The following KANSL1L variants were observed in gnomAD, a reference collection of about 807,000 sequenced individuals.
KANSL1L encodes the protein KAT8 regulatory NSL complex subunit 1-like protein.
Under a neutral mutation model 108.6 loss-of-function variants are expected in KANSL1L, and 25 were observed. That is an observed-to-expected ratio of 0.23 (90% CI 0.17 to 0.32). KANSL1L has a LOEUF of 0.32. KANSL1L is among the 10% of genes least tolerant of loss of function. The probability of loss-of-function intolerance (pLI) is 1.00; values close to 1 mark genes in which losing one functional copy is unlikely to be tolerated. For synonymous variants in KANSL1L, 405 were observed against 395.1 expected (o/e 1.03, Z -0.30); for missense variants, 1,137 against 1,125.7 (o/e 1.01, Z -0.14).
At chr2:210,027,731 G>T (rs1170921018) in intron 11 of KANSL1L, among the ~76,000 whole-genome samples, 1 of 152,120 alleles carries the variant, frequency 6.6e-6, no homozygotes, top group Non-Finnish European at 1.5e-5. Flanking sequence ...AGCCCCTTTT[G>T]AGCCATCAGT....
At chr2:210,171,798 G>A (rs1402336879), upstream of KANSL1L, 1 of 152,018 alleles carries the variant, frequency 6.6e-6, no homozygotes, top group Non-Finnish European at 1.5e-5. Context: ...GACTACTGCT[G>A]GCGTCCGCGG....
At chr2:210,094,678 TA>T (rs1184879823) in intron 5 of KANSL1L, among the ~76,000 whole-genome samples, 1 of 152,052 alleles carries the variant, frequency 6.6e-6, no homozygotes, top group Non-Finnish European at 1.5e-5. Context: ...TGAGTAACAT[TA>T]AAAAACTAAA....
intron 1 of KANSL1L, among the ~76,000 whole-genome samples, chr2:210,157,105 T>C (rs1045797544): frequency 2.0e-5 from 3 of 152,210 alleles, no homozygotes; most frequent in Non-Finnish European, 2.9e-5. Flanking sequence ...AAGTTGTTAC[T>C]TGACCAACTC....
Position 210,166,948 on chromosome 2 carries a change from A to T in KANSL1L, c.-30+4201T>A, listed in dbSNP as rs547880575. ...AGAAGTTTTTAAACATTATCTCTAG[A>T]CTATAAGGAGACTAGAGGAGTACAG... On this transcript the variant is annotated intron_variant, in intron 1 of 14. Transcript: ENST00000281772. Among the ~76,000 whole-genome samples, 196 of 152,150 alleles carry T rather than the reference A, an allele frequency of 1.3e-3. 1 individual carries two copies. Among genetic ancestry groups the T allele is most frequent in the Non-Finnish European group, 2.4e-3 (162 of 67,872 alleles).
chr2:210,171,877 T>C (rs1227893008), upstream of KANSL1L: 1 of 152,128 alleles, frequency 6.6e-6, no homozygotes, highest in Non-Finnish European at 1.5e-5. Context: ...CAAGTCTCCG[T>C]GCGTTTGCTT....
At chr2:210,125,140 G>C (rs999903116) in intron 3 of KANSL1L, among the ~76,000 whole-genome samples, 1 of 152,140 alleles carries the variant, frequency 6.6e-6, no homozygotes, top group African/African-American at 2.4e-5. Flanking sequence ...TGTAATCCCA[G>C]CTACTCAGGG....
At chr2:210,107,853 C>G (rs1459276215) in intron 3 of KANSL1L, among the ~76,000 whole-genome samples, 1 of 151,956 alleles carries the variant, frequency 6.6e-6, no homozygotes, top group Admixed American at 6.6e-5. Flanking sequence ...AAAATTTAAG[C>G]AAAGTTTAGA....
At chr2:210,168,612 T>C (rs1283046653) in intron 1 of KANSL1L, among the ~76,000 whole-genome samples, 1 of 152,070 alleles carries the variant, frequency 6.6e-6, no homozygotes, top group Non-Finnish European at 1.5e-5. Context: ...TGAAATAATC[T>C]AAGGTATCAT....
Position 210,171,382 on chromosome 2 carries a change from TC to T in KANSL1L, c.-264del, listed in dbSNP as rs1481716698. 5.9e-6 allele frequency: 1 copy of T among 170,360 alleles called. No individual in the cohort carries two copies. Among genetic ancestry groups the T allele is most frequent in the Non-Finnish European group, 1.2e-5 (1 of 82,492 alleles). 10.6% of individuals were successfully genotyped at this position (170,360 alleles called of 1,614,324 possible). A position where few individuals can be genotyped will look rare whatever the true frequency, so the allele number is the denominator to read the frequency against. ...CCCGCTGCCCGCAGCTCCGTGCGGCTCGGGGGGACGGAACCCTGCCGCGGTC... is the reference window on the plus strand; with the variant it reads ...CCCGCTGCCCGCAGCTCCGTGCGGCTGGGGGGACGGAACCCTGCCGCGGTC... On this transcript the variant is annotated 5_prime_UTR_variant, in exon 1 of 15. Coordinates refer to ENST00000281772, the MANE Select transcript of KANSL1L (RefSeq NM_152519.4).
chr2:210,079,648 A>ATGTGTGTGTG, intron 5 of KANSL1L, among the ~76,000 whole-genome samples: 1 of 15,200 alleles, frequency 6.6e-5, no homozygotes, highest in East Asian at 2.5e-3. Context: ...ATATATATAT[A>ATGTGTGTGTG]TATATATATA....
At chr2:210,040,806 G>T (rs1338046410) in intron 7 of KANSL1L, among the ~76,000 whole-genome samples, 3 of 152,050 alleles carry the variant, frequency 2.0e-5, no homozygotes, top group African/African-American at 7.2e-5. Context: ...TAGTACATAA[G>T]ATGAACAGTA....
rs1180109210 is a variant in KANSL1L, at chr2:210,104,202, G to T, written c.1330C>A (p.Pro444Thr). Residue 444 changes from proline to threonine, a missense_variant, in exon 4 of 15, where the codon CCT (proline) becomes ACT (threonine). This residue lies in a region of KANSL1L where 556 missense variants were observed against 537.7 expected (regional missense o/e 1.03). Coordinates refer to ENST00000281772, the MANE Select transcript of KANSL1L (RefSeq NM_152519.4). ...QAASLNILGN[P>T]QVPQECQDPV... ...TCTTGACACTCCTGGGGAACCTGAGGATTCCCTAGAATGTTTAGTGAAGCT... is the reference window on the plus strand; with the variant it reads ...TCTTGACACTCCTGGGGAACCTGAGTATTCCCTAGAATGTTTAGTGAAGCT... 1.9e-6 allele frequency: 3 copies of T among 1,613,522 alleles called. No homozygotes were observed. The highest frequency in any genetic ancestry group is 2.5e-6 in the Non-Finnish European group (3 of 1,179,618).
intron 3 of KANSL1L, among the ~76,000 whole-genome samples, chr2:210,120,453 T>C (rs62201633): frequency 0.39 from 59,928 of 152,032 alleles, 13,447 homozygotes; most frequent in Middle Eastern, 0.58. Flanking sequence ...TATGCAAAGA[T>C]TGAAACTGGA....
At chr2:210,046,376 A>G (rs1250794504) in intron 6 of KANSL1L, among the ~76,000 whole-genome samples, 3 of 152,110 alleles carry the variant, frequency 2.0e-5, no homozygotes, top group African/African-American at 7.2e-5. Flanking sequence ...TCTAAATATC[A>G]TCTAAATCAG....
At chr2:210,139,655 T>C (rs915410103) in intron 2 of KANSL1L, among the ~76,000 whole-genome samples, 2 of 152,218 alleles carry the variant, frequency 1.3e-5, no homozygotes, top group African/African-American at 4.8e-5. Context: ...TGATTAGTGA[T>C]GTTGAGCACT....
intron 6 of KANSL1L, among the ~76,000 whole-genome samples, chr2:210,058,591 T>C (rs916996288): frequency 1.3e-5 from 2 of 152,076 alleles, no homozygotes; most frequent in African/African-American, 4.8e-5. Context: ...CCCAGCACTT[T>C]AGGAGGCTGA....
At chr2:210,126,951 T>C (rs887951989) in intron 3 of KANSL1L, among the ~76,000 whole-genome samples, 6 of 151,922 alleles carry the variant, frequency 3.9e-5, no homozygotes, top group Admixed American at 1.3e-4. Flanking sequence ...CCTAGCACTT[T>C]GGGAGGCTGA....
chr2:210,151,177 G>T (rs1228215130), intron 2 of KANSL1L, among the ~76,000 whole-genome samples: 4 of 151,986 alleles, frequency 2.6e-5, no homozygotes, highest in Admixed American at 6.6e-5. Context: ...CACCATGCCG[G>T]GCTAATTTTT....
intron 5 of KANSL1L, chr2:210,088,231 AGGT>A: frequency 6.6e-6 from 1 of 152,304 alleles, no homozygotes; most frequent in East Asian, 1.9e-4. Context: ...ACAAGATGGC[AGGT>A]GAAAAAGTTG....
Sources: gnomAD v4.1 joint callset for allele counts (sites outside exome capture counted in the v4.1 genomes callset) on GRCh38, gnomAD v4.1.1 for gene constraint, gnomAD v4.1.1 regional missense constraint, MANE v1.5 for transcripts, NCBI Gene and HGNC (gene_info 2026-07-23, HGNC 2026-07-21) for gene names.